The following TEP1 variants were observed in gnomAD, a reference collection of about 807,000 sequenced individuals.
TEP1 encodes the protein telomerase protein component 1.
Under a neutral mutation model 306.3 loss-of-function variants are expected in TEP1, and 241 were observed. That is an observed-to-expected ratio of 0.79 (90% CI 0.71 to 0.88). The LOEUF (loss-of-function observed/expected upper bound fraction) is 0.88. TEP1 is among the 40% of genes least tolerant of loss of function. The pLI, the probability that TEP1 is intolerant of heterozygous loss-of-function variation, is 0.00. For synonymous variants in TEP1, 1,289 were observed against 1,305.5 expected (o/e 0.99, Z 0.27); for missense variants, 3,051 against 3,276.1 (o/e 0.93, Z 1.68).
At position 20,391,888 on chromosome 14, in the gene TEP1, C is replaced by T. The variant is rs1036023757; in HGVS notation, c.1929-121G>A. 4 of 1,046,826 alleles carry T rather than the reference C, an allele frequency of 3.8e-6. No individual in the cohort carries two copies. The African/African-American group carries it at 6.4e-5, about 17-fold the overall frequency. The allele number at this position is 1,046,826 out of a possible 1,614,324, so 64.8% of individuals were successfully genotyped here. On this transcript the variant is annotated intron_variant, in intron 12 of 54. Coordinates refer to ENST00000262715, the MANE Select transcript of TEP1 (RefSeq NM_007110.5). ...CTTCTCCCTCCCTCAAGCACCATAC[C>T]CGCTTCCACAGCCCACTCCATTTCT...
In TEP1 at chr14:20,381,168, G is replaced by C. The variant is rs1183316152; in HGVS notation, c.4648-123C>G. On this transcript the variant is annotated intron_variant, in intron 32 of 54. Transcript: ENST00000262715. This position sits in a 1 kb window ranked among gnomAD's most constrained non-coding sequence, Gnocchi z 4.0. ...GGGACAAAGGACTTGAAGAAGAAGG[G>C]CAGGAAAACTGAAAGGAAAGAGGTC... The C allele has an allele frequency of 8.3e-6, 10 of 1,204,168 alleles. No homozygotes were observed. In the East Asian group the frequency reaches 2.3e-4, roughly 28 times the overall value. 74.6% of individuals were successfully genotyped at this position (1,204,168 alleles called of 1,614,324 possible). A position where few individuals can be genotyped will look rare whatever the true frequency, so the allele number is the denominator to read the frequency against.
intron 51 of TEP1, among the ~76,000 whole-genome samples, chr14:20,370,469 T>C (rs1336092495): frequency 2.0e-5 from 3 of 152,248 alleles, no homozygotes; most frequent in Admixed American, 2.0e-4. Flanking sequence ...TGTAACTGGC[T>C]TCCTTTGCCC....
intron 9 of TEP1, among the ~76,000 whole-genome samples, chr14:20,396,983 G>A (rs1245043136): frequency 6.6e-6 from 1 of 151,982 alleles, no homozygotes; most frequent in African/African-American, 2.4e-5. Context: ...GTCCAAGATA[G>A]AGGAAGTGAG....
chr14:20,400,798 A>C, intron 9 of TEP1, 186 bp downstream of exon 9: 2 of 673,850 alleles, frequency 3.0e-6, no homozygotes, highest in Non-Finnish European at 4.9e-6. Flanking sequence ...TATGATGCCA[A>C]CATTACTCAA....
At position 20,408,512 on chromosome 14, in the gene TEP1, G is replaced by A. The variant is rs1475993873; in HGVS notation, c.-24-49C>T. 3.5e-6 allele frequency: 5 copies of A among 1,426,790 alleles called. No homozygotes were observed. In the African/African-American group the frequency reaches 4.2e-5, roughly 12 times the overall value. 88.4% of individuals were successfully genotyped at this position (1,426,790 alleles called of 1,614,324 possible). A position where few individuals can be genotyped will look rare whatever the true frequency, so the allele number is the denominator to read the frequency against. The stretch of plus-strand genomic sequence containing the variant: ...ATGAGCACCTGGCTGCACTGAGCGT[G>A]TATTTGCATGAGAGCATATCTTCCC... On this transcript the variant is annotated intron_variant, in intron 1 of 54. Coordinates refer to ENST00000262715, the MANE Select transcript of TEP1 (RefSeq NM_007110.5).
intron 3 of TEP1, 134 bp from the exon 4 acceptor site, chr14:20,405,719 A>G: frequency 9.1e-7 from 1 of 1,098,396 alleles, no homozygotes; most frequent in Non-Finnish European, 1.3e-6. Flanking sequence ...GAGAACTTAC[A>G]AAAGGGGATT....
chr14:20,383,280 T>C lies in TEP1; in HGVS notation c.3941A>G (p.His1314Arg), dbSNP rs755444050. ...GETLEQSQGA[H>R]VLALGPLEAS... ...CTCCAGAGGCCCCAAGGCCAGCACGTGGGCACCCTGGCTCTGCTCAAGGGT... is the reference window on the plus strand; with the variant it reads ...CTCCAGAGGCCCCAAGGCCAGCACGCGGGCACCCTGGCTCTGCTCAAGGGT... Residue 1314 changes from histidine (H) to arginine (R), a missense_variant, in exon 27 of 55, where the codon CAC becomes CGC. This residue lies in a region of TEP1 where 1,540 missense variants were observed against 1,705.9 expected (regional missense o/e 0.90). Transcript: ENST00000262715. The C allele has an allele frequency of 1.2e-6, 2 of 1,613,564 alleles. No homozygotes were observed. Among genetic ancestry groups the C allele is most frequent in the South Asian group, 2.2e-5 (2 of 90,952 alleles).
At position 20,403,760 on chromosome 14, in the gene TEP1, C is replaced by T. The variant is rs145795987; in HGVS notation, c.1157G>A (p.Arg386Gln). Reference protein sequence around the residue: ...QLAKYNPRKHRAKRHPRRPPR... With the variant: ...QLAKYNPRKHQAKRHPRRPPR... ...TGGCCGGCGGGGGTGTCTCTTGGCC[C>T]GGTGCTTCCGAGGGTTGTACTTAGC... Residue 386 changes from arginine (R) to glutamine (Q), a missense_variant, in exon 6 of 55, where the codon CGG (arginine) becomes CAG (glutamine). Arg to Gln is a conservative substitution (Grantham distance 43). This residue lies in a region of TEP1 where 1,507 missense variants were observed against 1,550.5 expected (regional missense o/e 0.97). Transcript: ENST00000262715. 297 of 1,614,046 alleles carry T rather than the reference C, an allele frequency of 1.8e-4. 1 individual carries two copies. In the African/African-American group the frequency reaches 3.3e-3, roughly 18 times the overall value.
At chr14:20,403,324 A>G in intron 7 of TEP1, 53 bp downstream of exon 7, 2 of 1,581,596 alleles carry the variant, frequency 1.3e-6, no homozygotes, top group Admixed American at 3.9e-5. Context: ...CGTAAATATT[A>G]GTCCAGAAGA....
In TEP1 at chr14:20,373,146, A is replaced by G; in HGVS notation, c.6816T>C (p.Asp2272=). 1 of 1,614,206 alleles carries G rather than the reference A, an allele frequency of 6.2e-7. No individual in the cohort carries two copies. Among genetic ancestry groups the G allele is most frequent in the Non-Finnish European group, 8.5e-7 (1 of 1,180,032 alleles). Residue 2272 remains aspartate (D), a splice_region_variant and synonymous_variant, in exon 48 of 55, where the codon GAT becomes GAC. Coordinates refer to ENST00000262715, the MANE Select transcript of TEP1 (RefSeq NM_007110.5). The part of the protein sequence containing the change: ...VRLWQVPKEA[D]DTCIPRSSAA... ...CAGAACTCCTTGGTATACATGTGTC[A>G]TCTGGAGGAGAAAGGACGTGTTTCA... is the stretch of plus-strand genomic sequence containing the variant.
intron 35 of TEP1, 109 bp from the exon 36 acceptor site, chr14:20,379,214 C>G: frequency 7.1e-7 from 1 of 1,402,496 alleles, no homozygotes; most frequent in Non-Finnish European, 9.7e-7. Context: ...GGCCATGAGT[C>G]CTTGGCTCTC....
intron 1 of TEP1, among the ~76,000 whole-genome samples, chr14:20,413,040 C>G (rs1375146342): frequency 1.3e-5 from 2 of 152,158 alleles, no homozygotes; most frequent in East Asian, 3.9e-4. Flanking sequence ...AAACGGTTCT[C>G]ATACTACCAT....
chr14:20,391,282 G>A (rs1433939503), intron 13 of TEP1, among the ~76,000 whole-genome samples, 186 bp from the exon 14 acceptor site: 2 of 152,314 alleles, frequency 1.3e-5, no homozygotes, highest in South Asian at 2.1e-4. Flanking sequence ...AGGAAAAGAG[G>A]AGCCAGGATC....
In TEP1 at chr14:20,381,914, T is replaced by C. The variant is rs373625663; in HGVS notation, c.4423A>G (p.Ser1475Gly). The C allele has an allele frequency of 5.0e-6, 8 of 1,613,778 alleles. No individual in the cohort carries two copies. The highest frequency in any genetic ancestry group is 6.8e-6 in the Non-Finnish European group (8 of 1,179,932). Residue 1475 changes from serine (S) to glycine (G), a missense_variant and splice_region_variant, in exon 30 of 55, where the codon AGT (serine) becomes GGT (glycine). This residue lies in a region of TEP1 where 1,540 missense variants were observed against 1,705.9 expected (regional missense o/e 0.90). Transcript: ENST00000262715. This position sits in a 1 kb window ranked among gnomAD's most constrained non-coding sequence, Gnocchi z 4.0. ...PFACLVQSLR[S>G]LLGEGPLERP... The stretch of plus-strand genomic sequence containing the variant: ...GGAGCTCTGCTGGGGCACCTGTACC[T>C]GCGCAGACTCTGGACGAGGCAGGCA...
At chr14:20,403,258 A>G in intron 7 of TEP1, 119 bp downstream of exon 7, 4 of 1,317,466 alleles carry the variant, frequency 3.0e-6, no homozygotes, top group Non-Finnish European at 4.2e-6. Context: ...CTTACCCACA[A>G]TCACAGCCAA....
intron 47 of TEP1, 55 bp downstream of exon 47, chr14:20,373,215 C>T (rs1340168116): frequency 6.2e-7 from 1 of 1,612,574 alleles, no homozygotes; most frequent in African/African-American, 1.3e-5. Context: ...TCAGGCCACC[C>T]TTGACCTTTT....
Position 20,382,727 on chromosome 14 carries a change from C to T in TEP1, c.4048-12G>A. The T allele has an allele frequency of 1.2e-6, 2 of 1,613,900 alleles. No individual in the cohort carries two copies. Among genetic ancestry groups the T allele is most frequent in the South Asian group, 1.1e-5 (1 of 91,082 alleles). Reference sequence around the variant, plus strand: ...AGCAGCAGTCGCATCTGGCAAGACTCAGGACTCAGGGTGGGGTCCAGGAGG... The same window carrying T: ...AGCAGCAGTCGCATCTGGCAAGACTTAGGACTCAGGGTGGGGTCCAGGAGG... On this transcript the variant is annotated splice_polypyrimidine_tract_variant and intron_variant, in intron 27 of 54. Coordinates refer to ENST00000262715, the MANE Select transcript of TEP1 (RefSeq NM_007110.5).
At position 20,383,896 on chromosome 14, in the gene TEP1, T is replaced by C. The variant is rs768252554; in HGVS notation, c.3557A>G (p.Gln1186Arg). ...AFLASLVSAL[Q>R]APDGAKVASL... is the part of the protein sequence containing the mutation. ...TGCCACCTTGGCCCCATCAGGAGCC[T>C]GCAGGGCTGACACAAGAGATGCCTG... Residue 1186 changes from glutamine to arginine, a missense_variant, in exon 25 of 55, where the codon CAG becomes CGG. By Grantham distance (43) the Gln-to-Arg change is conservative (BLOSUM62 1). This residue lies in a region of TEP1 where 1,507 missense variants were observed against 1,550.5 expected (regional missense o/e 0.97). Coordinates refer to ENST00000262715, the MANE Select transcript of TEP1 (RefSeq NM_007110.5). 2 of 1,600,610 alleles carry C rather than the reference T, an allele frequency of 1.2e-6. No homozygotes were observed. The highest frequency in any genetic ancestry group is 1.3e-5 in the African/African-American group (1 of 74,974).
chr14:20,405,204 G>T (rs1462238005), intron 4 of TEP1, among the ~76,000 whole-genome samples: 1 of 152,102 alleles, frequency 6.6e-6, no homozygotes, highest in East Asian at 1.9e-4. Flanking sequence ...AAAGTATTTT[G>T]CTTCCCTAAC....
Sources: gnomAD v4.1 joint callset for allele counts (sites outside exome capture counted in the v4.1 genomes callset) on GRCh38, gnomAD v4.1.1 for gene constraint, gnomAD v4.1.1 regional missense constraint, Gnocchi (gnomAD v3.1) non-coding constraint, MANE v1.5 for transcripts, NCBI Gene and HGNC (gene_info 2026-07-23, HGNC 2026-07-21) for gene names.